ZC3H11A: variants seen among roughly 807,000 people sequenced by gnomAD.
ZC3H11A encodes zinc finger CCCH domain-containing protein 11A.
ZC3H11A carries 22 observed loss-of-function variants against 90.8 expected under a neutral mutation model. The observed-to-expected ratio is 0.24, with a 90% CI of 0.17 to 0.35. The LOEUF is 0.35. Among genes scored for constraint, ZC3H11A ranks in the 10% least tolerant of loss-of-function variants. The pLI, the probability that ZC3H11A is intolerant of heterozygous loss-of-function variation, is 1.00. For missense variants in ZC3H11A, 701 were observed against 964.9 expected, an observed-to-expected ratio of 0.73 and a Z score of 3.62; for synonymous variants, 294 against 339.8, an observed-to-expected ratio of 0.87 and a Z score of 1.48.
At chr1:203,841,670 A>G (rs970498400) in intron 12 of ZC3H11A, among the ~76,000 whole-genome samples, 4 of 152,164 alleles carry the variant, frequency 2.6e-5, no homozygotes, top group Non-Finnish European at 5.9e-5. Flanking sequence ...GCTGTTGGGT[A>G]CACCTCCCAG....
chr1:203,829,381 G>A, intron 5 of ZC3H11A, 70 bp from the exon 6 acceptor site: 2 of 1,491,202 alleles, frequency 1.3e-6, no homozygotes, highest in East Asian at 2.3e-5. Context: ...TTTCATAGGT[G>A]GTCAGGAATT....
Position 203,847,530 on chromosome 1 carries a change from A to G in ZC3H11A, c.1389A>G (p.Thr463=), listed in dbSNP as rs1688213471. ...AATCAGAGGAGCCTGCAGGTAAAACAAAGTCTATGCAGGAGGTGCACATCA... is the reference window on the plus strand; with the variant it reads ...AATCAGAGGAGCCTGCAGGTAAAACGAAGTCTATGCAGGAGGTGCACATCA... The part of the protein sequence containing the change: ...RGQSEEPAGK[T]KSMQEVHIKT... Residue 463 remains threonine, a synonymous_variant, in exon 13 of 18, where the codon ACA becomes ACG. Coordinates refer to ENST00000367210, the MANE Select transcript of ZC3H11A (RefSeq NM_001376342.1). The G allele has an allele frequency of 6.2e-7, 1 of 1,613,982 alleles. No individual in the cohort carries two copies. Among genetic ancestry groups the G allele is most frequent in the South Asian group, 1.1e-5 (1 of 91,074 alleles).
Position 203,802,597 on chromosome 1 carries a change from G to A in ZC3H11A, c.-565G>A, listed in dbSNP as rs1335240515. ...AAGAAATCTTGAAGACCAGAAATTGGATCTTACTGAAAAACTGATGTTTTT... is the reference window on the plus strand; with the variant it reads ...AAGAAATCTTGAAGACCAGAAATTGAATCTTACTGAAAAACTGATGTTTTT... On this transcript the variant is annotated 5_prime_UTR_variant, in exon 2 of 18. Transcript: ENST00000367210. 1 of 151,348 alleles carries A rather than the reference G, an allele frequency of 6.6e-6. No individual in the cohort carries two copies. The highest frequency in any genetic ancestry group is 1.9e-4 in the East Asian group (1 of 5,170). 9.4% of individuals were successfully genotyped at this position (151,348 alleles called of 1,614,324 possible).
chr1:203,814,327 C>T (rs1391138046), intron 2 of ZC3H11A, among the ~76,000 whole-genome samples: 1 of 152,150 alleles, frequency 6.6e-6, no homozygotes, highest in African/African-American at 2.4e-5. Flanking sequence ...AGTTCAAGAC[C>T]AGCCTGGCCA....
At chr1:203,800,041 C>G (rs1327473673) in intron 1 of ZC3H11A, 1 of 1,536,108 alleles carries the variant, frequency 6.5e-7, no homozygotes, top group Admixed American at 2.0e-5. Flanking sequence ...ACCTCCAGTT[C>G]AGGTTCTGTT....
At chr1:203,798,972 G>C (rs1669629441) in intron 1 of ZC3H11A, 1 of 1,536,092 alleles carries the variant, frequency 6.5e-7, no homozygotes. Context: ...ACACCTGACT[G>C]TTGACATATG....
chr1:203,843,506 A>G lies in ZC3H11A; in HGVS notation c.1042+3132A>G, dbSNP rs564354992. 2.6e-5 allele frequency among the ~76,000 whole-genome samples: 4 copies of G among 152,268 alleles called. No individual in the cohort carries two copies. The East Asian group carries it at 7.7e-4, about 29-fold the overall frequency. On this transcript the variant is annotated intron_variant, in intron 12 of 17. Coordinates refer to ENST00000367210, the MANE Select transcript of ZC3H11A (RefSeq NM_001376342.1). The stretch of plus-strand genomic sequence containing the variant: ...CTTTGTTCAACTTTATTTTTTAGAC[A>G]AGGAATTGACAATTTTTTTCCTGTA...
intron 1 of ZC3H11A, chr1:203,796,249 C>CT: frequency 2.5e-6 from 1 of 395,028 alleles, no homozygotes. Context: ...ATCAATCAGA[C>CT]TGAGTGCCGG....
intron 4 of ZC3H11A, among the ~76,000 whole-genome samples, chr1:203,820,468 A>ATGTGTGTGTGTGTGTG (rs71145033): frequency 6.0e-5 from 9 of 150,384 alleles, no homozygotes; most frequent in African/African-American, 2.2e-4. Flanking sequence ...ATCACAAATT[A>ATGTGTGTGTGTGTGTG]TGTGTGTGTG....
At chr1:203,828,047 T>C (rs942946650) in intron 4 of ZC3H11A, among the ~76,000 whole-genome samples, 8 of 152,076 alleles carry the variant, frequency 5.3e-5, no homozygotes, top group African/African-American at 1.9e-4. Context: ...AAATTAAGTG[T>C]AGACATTTTA....
Position 203,833,863 on chromosome 1 carries a change from GTTTTGTGTATATC to G in ZC3H11A, c.874+15_874+27del. On this transcript the variant is annotated intron_variant, in intron 10 of 17. Transcript: ENST00000367210. ...CGAAAATTTTCAGCAGGTAAGATAA[GTTTTGTGTATATC>G]TTTTCTTTTCTACTTGTTTGTGCAT... 6.2e-7 allele frequency: 1 copy of G among 1,607,052 alleles called. No homozygotes were observed. The highest frequency in any genetic ancestry group is 1.1e-5 in the South Asian group (1 of 89,920).
At chr1:203,824,493 T>C (rs1332315406) in intron 4 of ZC3H11A, among the ~76,000 whole-genome samples, 1 of 152,118 alleles carries the variant, frequency 6.6e-6, no homozygotes, top group Non-Finnish European at 1.5e-5. Flanking sequence ...CTTGCTAAAA[T>C]TTATAACCCC....
intron 1 of ZC3H11A, chr1:203,798,302 T>C: frequency 6.5e-7 from 1 of 1,536,176 alleles, no homozygotes; most frequent in South Asian, 1.2e-5. Flanking sequence ...CTTTAATTCC[T>C]GGAACTAGAG....
chr1:203,829,233 T>C, intron 5 of ZC3H11A: 1 of 584,330 alleles, frequency 1.7e-6, no homozygotes, highest in East Asian at 2.9e-5. Flanking sequence ...CTGTTTTGAG[T>C]GCCCACTTTG....
intron 13 of ZC3H11A, 71 bp from the exon 14 acceptor site, chr1:203,848,260 T>G (rs1000829039): frequency 1.6e-6 from 2 of 1,278,868 alleles, no homozygotes; most frequent in African/African-American, 1.5e-5. Context: ...AAATAAAGTT[T>G]TGTTTAACAT....
At chr1:203,842,403 C>G (rs1686657328) in intron 12 of ZC3H11A, among the ~76,000 whole-genome samples, 1 of 152,182 alleles carries the variant, frequency 6.6e-6, no homozygotes, top group Non-Finnish European at 1.5e-5. Flanking sequence ...TGGAGACCAG[C>G]CCGGCCAACA....
At chr1:203,841,983 G>T (rs1374711972) in intron 12 of ZC3H11A, among the ~76,000 whole-genome samples, 1 of 146,946 alleles carries the variant, frequency 6.8e-6, no homozygotes, top group African/African-American at 2.6e-5. Context: ...GGGCAGAGGG[G>T]CTCCTCACAT....
At chr1:203,805,932 T>C in intron 2 of ZC3H11A, 1 of 654,128 alleles carries the variant, frequency 1.5e-6, no homozygotes, top group Non-Finnish European at 2.9e-6. Flanking sequence ...TCATTTCCTT[T>C]GCTCCCAGTT....
chr1:203,809,882 A>G (rs1453461994), intron 2 of ZC3H11A, among the ~76,000 whole-genome samples: 2 of 152,110 alleles, frequency 1.3e-5, no homozygotes, highest in Non-Finnish European at 2.9e-5. Flanking sequence ...TGAACCCAGG[A>G]GGTGGAGGTT....
Sources: allele counts gnomAD v4.1 joint callset (sites outside exome capture counted in the v4.1 genomes callset), GRCh38; gene constraint gnomAD v4.1.1; transcripts MANE v1.5; gene names NCBI Gene and HGNC (gene_info 2026-07-23, HGNC 2026-07-21).